Variants in RAD51B observed in about 807,000 individuals in gnomAD.
The protein encoded by RAD51B is DNA repair protein RAD51 homolog 2.
A neutral mutation model predicts 42.2 loss-of-function variants in RAD51B; 38 were observed. The ratio of observed to expected loss-of-function variants is 0.90; its 90% confidence interval spans 0.70 to 1.18. RAD51B has a LOEUF of 1.18. Among genes scored for constraint, RAD51B ranks in the 50% most tolerant of loss-of-function variants. The probability of loss-of-function intolerance (pLI) is 0.00; values close to 1 mark genes in which losing one functional copy is unlikely to be tolerated. For synonymous variants in RAD51B, 154 were observed against 145.2 expected (o/e 1.06, Z -0.43); for missense variants, 373 against 400.7 (o/e 0.93, Z 0.59).
intron 1 of RAD51B, 69 bp downstream of exon 1, chr14:67,819,922 C>T (rs1167303196): frequency 1.3e-5 from 2 of 152,146 alleles, no homozygotes; most frequent in Non-Finnish European, 2.9e-5. Flanking sequence ...CCTGCTCCTT[C>T]CCTAGGCTCG....
intron 10 of RAD51B, among the ~76,000 whole-genome samples, chr14:68,507,797 G>A (rs572117321): frequency 8.2e-4 from 125 of 152,278 alleles, no homozygotes; most frequent in Non-Finnish European, 9.7e-4. Context: ...TTTGATCCAC[G>A]GTTCACGTTC....
intron 7 of RAD51B, among the ~76,000 whole-genome samples, chr14:67,944,871 C>T (rs901537094): frequency 6.6e-6 from 1 of 152,128 alleles, no homozygotes; most frequent in Admixed American, 6.5e-5. Flanking sequence ...TTATTAGATA[C>T]CCCACAGACA....
intron 10 of RAD51B, among the ~76,000 whole-genome samples, chr14:68,488,056 G>A (rs111245835): frequency 9.9e-4 from 150 of 152,124 alleles, no homozygotes; most frequent in Non-Finnish European, 1.9e-3. Context: ...GAGGGTGCAT[G>A]AGACAGGAAG....
At chr14:68,017,357 G>C (rs368402882) in intron 7 of RAD51B, among the ~76,000 whole-genome samples, 11 of 151,674 alleles carry the variant, frequency 7.3e-5, no homozygotes, top group African/African-American at 2.7e-4. Context: ...CACCATACCC[G>C]GCTAAATTTT....
intron 4 of RAD51B, among the ~76,000 whole-genome samples, chr14:67,854,813 A>G (rs1174016726): frequency 6.6e-6 from 1 of 151,990 alleles, no homozygotes; most frequent in Non-Finnish European, 1.5e-5. Flanking sequence ...AAGTAAAAAA[A>G]AAAAAAATTA....
In RAD51B at chr14:68,542,914, A is replaced by C. The variant is rs73282396; in HGVS notation, c.1037-51571A>C. Among the ~76,000 whole-genome samples, 120 of 152,212 alleles carry C rather than the reference A, an allele frequency of 7.9e-4. 1 individual carries two copies. Among genetic ancestry groups the C allele is most frequent in the African/African-American group, 2.8e-3 (116 of 41,536 alleles). The stretch of plus-strand genomic sequence containing the variant: ...CTGTCTTATACCAAGGAGACATCCC[A>C]TTGCTTTTTAAACATGAAATATTCT... On this transcript the variant is annotated intron_variant, in intron 10 of 10. Coordinates refer to the RAD51B transcript ENST00000487270.
At chr14:67,870,084 A>G (rs1156838034) in intron 5 of RAD51B, among the ~76,000 whole-genome samples, 2 of 150,946 alleles carry the variant, frequency 1.3e-5, no homozygotes, top group Non-Finnish European at 3.0e-5. Flanking sequence ...CACACATAAC[A>G]ATATTAACTT....
At chr14:68,660,532 G>A (rs1892910970) in intron 11 of RAD51B, among the ~76,000 whole-genome samples, 1 of 152,172 alleles carries the variant, frequency 6.6e-6, no homozygotes, top group Non-Finnish European at 1.5e-5. Context: ...GATTTACACT[G>A]TAGTTGGGAG....
intron 7 of RAD51B, among the ~76,000 whole-genome samples, chr14:68,234,468 C>A: frequency 6.6e-6 from 1 of 152,268 alleles, no homozygotes; most frequent in African/African-American, 2.4e-5. Flanking sequence ...CAAACATCAT[C>A]GAGTGCACTT....
chr14:68,185,334 G>A (rs1259790104), intron 7 of RAD51B, among the ~76,000 whole-genome samples: 1 of 152,124 alleles, frequency 6.6e-6, no homozygotes, highest in African/African-American at 2.4e-5. Context: ...AAGTGGAGTG[G>A]CATGCAAATT....
chr14:68,118,443 G>A (rs550431687), intron 7 of RAD51B, among the ~76,000 whole-genome samples: 95 of 152,188 alleles, frequency 6.2e-4, no homozygotes, highest in African/African-American at 2.1e-3. Context: ...TGTGCCCCTC[G>A]CCCACCAAAA....
chr14:68,024,430 T>C (rs1413857090), intron 7 of RAD51B, among the ~76,000 whole-genome samples: 1 of 152,238 alleles, frequency 6.6e-6, no homozygotes, highest in Non-Finnish European at 1.5e-5. Context: ...TTGGGCAGTG[T>C]GACCATTTTA....
intron 10 of RAD51B, among the ~76,000 whole-genome samples, chr14:68,584,747 C>T (rs1405497255): frequency 2.6e-5 from 4 of 152,192 alleles, no homozygotes; most frequent in Non-Finnish European, 5.9e-5. Flanking sequence ...CACCTGGACC[C>T]AACATTTGGC....
At chr14:68,635,432 TAATGCAAGCCACA>T (rs1892322263) in intron 10 of RAD51B, among the ~76,000 whole-genome samples, 1 of 152,232 alleles carries the variant, frequency 6.6e-6, no homozygotes, top group Non-Finnish European at 1.5e-5. Context: ...AATAGAAATG[TAATGCAAGCCACA>T]AATGCAAGCT....
At chr14:68,270,243 T>A (rs993717735) in intron 7 of RAD51B, among the ~76,000 whole-genome samples, 1 of 152,120 alleles carries the variant, frequency 6.6e-6, no homozygotes, top group African/African-American at 2.4e-5. Flanking sequence ...GCCAATAAAA[T>A]TTGTTTGTGA....
chr14:67,926,576 T>TC lies in RAD51B; in HGVS notation c.756+39372_756+39373insC, dbSNP rs1457978404. On this transcript the variant is annotated intron_variant, in intron 7 of 10. Transcript: ENST00000471583. ...ATGTTTCCTTTTTTTTTTTTTTTTTTTTTTTTGAGACTGAGTCTTGGTCTG... is the reference window on the plus strand; with the variant it reads ...ATGTTTCCTTTTTTTTTTTTTTTTTTCTTTTTTGAGACTGAGTCTTGGTCTG... 2.9e-3 allele frequency among the ~76,000 whole-genome samples: 407 copies of TC among 141,958 alleles called. 1 individual carries two copies. The highest frequency in any genetic ancestry group is 5.0e-3 in the Non-Finnish European group (331 of 65,874). 93.1% of individuals were successfully genotyped at this position (141,958 alleles called of 152,430 possible).
intron 10 of RAD51B, chr14:68,540,500 T>C: frequency 1.0e-6 from 1 of 985,286 alleles, no homozygotes; most frequent in Non-Finnish European, 1.2e-6. Context: ...GCTCAGCTTG[T>C]TCCCTCATTT....
At chr14:68,665,559 CAGG>C (rs1317725601) in intron 11 of RAD51B, among the ~76,000 whole-genome samples, 1 of 152,148 alleles carries the variant, frequency 6.6e-6, no homozygotes, top group African/African-American at 2.4e-5. Flanking sequence ...GAGCTGGTGT[CAGG>C]AGAAGAACTC....
At chr14:68,540,166 CTTTTTTTTTTTT>C (rs11321834) in intron 10 of RAD51B, 3 of 586,422 alleles carry the variant, frequency 5.1e-6, no homozygotes, top group Non-Finnish European at 6.1e-6. Flanking sequence ...TACCCTGCTC[CTTTTTTTTTTTT>C]TTTTTTTTTT....
Sources: gnomAD v4.1 joint callset for allele counts (sites outside exome capture counted in the v4.1 genomes callset) on GRCh38, gnomAD v4.1.1 for gene constraint, MANE v1.5 for transcripts, NCBI Gene and HGNC (gene_info 2026-07-23, HGNC 2026-07-21) for gene names.